The following RFX2 variants were observed in gnomAD, a reference collection of about 807,000 sequenced individuals.
RFX2 encodes DNA-binding protein RFX2.
In RFX2, 20 loss-of-function variants were observed where a neutral mutation model predicts 87.8. That is an observed-to-expected ratio of 0.23 (90% CI 0.16 to 0.33). The LOEUF (loss-of-function observed/expected upper bound fraction) is 0.33, where lower values mean the gene tolerates loss of function less well. Ranked by LOEUF, RFX2 falls within the 10% of genes least tolerant of loss-of-function variation. The pLI is 1.00. For missense variants in RFX2, 767 were observed against 1,012.3 expected, an observed-to-expected ratio of 0.76 and a Z score of 3.29; for synonymous variants, 397 against 431.3, an observed-to-expected ratio of 0.92 and a Z score of 0.98.
chr19:6,038,340 A>C (rs201092309), intron 5 of RFX2, among the ~76,000 whole-genome samples: 15 of 136,420 alleles, frequency 1.1e-4, no homozygotes, highest in East Asian at 8.5e-4. Flanking sequence ...AAAAAAAAAA[A>C]AAAAAAAAAA....
intron 1 of RFX2, chr19:6,067,874 C>T (rs1057512681): frequency 8.5e-5 from 13 of 152,272 alleles, no homozygotes; most frequent in East Asian, 1.9e-4. Flanking sequence ...GAGCTCTCAG[C>T]GGAGGTTTGC....
intron 1 of RFX2, among the ~76,000 whole-genome samples, chr19:6,058,174 C>A (rs1169522827): frequency 6.6e-6 from 1 of 152,192 alleles, no homozygotes; most frequent in Non-Finnish European, 1.5e-5. Flanking sequence ...GGATCCATCT[C>A]TGGGCTGGGG....
chr19:6,015,825 A>C (rs964365696), intron 7 of RFX2, among the ~76,000 whole-genome samples: 1 of 152,232 alleles, frequency 6.6e-6, no homozygotes, highest in African/African-American at 2.4e-5. Context: ...AAACAAAAAA[A>C]GAAAAGTATT....
intron 6 of RFX2, among the ~76,000 whole-genome samples, chr19:6,018,062 A>G (rs924249633): frequency 6.6e-6 from 1 of 152,064 alleles, no homozygotes; most frequent in Non-Finnish European, 1.5e-5. Flanking sequence ...TGCAACCTCC[A>G]CTTCCAGGCT....
At chr19:6,068,624 A>T (rs529642514) in intron 1 of RFX2, among the ~76,000 whole-genome samples, 1 of 152,200 alleles carries the variant, frequency 6.6e-6, no homozygotes, top group Non-Finnish European at 1.5e-5. Flanking sequence ...CCTGGGGAAG[A>T]GCGTTCCTAA....
In RFX2 at chr19:6,039,614, G is replaced by A. The variant is rs1316961253; in HGVS notation, c.522+366C>T. Among the ~76,000 whole-genome samples, 2 of 152,200 alleles carry A rather than the reference G, an allele frequency of 1.3e-5. No homozygotes were observed. Among genetic ancestry groups the A allele is most frequent in the Admixed American group, 6.5e-5 (1 of 15,288 alleles). On this transcript the variant is annotated intron_variant, in intron 5 of 17. Coordinates refer to ENST00000303657, the MANE Select transcript of RFX2 (RefSeq NM_000635.4). The surrounding 1 kb of genome is among the most constrained non-coding windows in gnomAD (Gnocchi z 5.2). Reference sequence around the variant, plus strand: ...GCTTGATTCAGTCCAGGTGTCTCATGGATGGATTGATCCACGCCTCTAAAA... The same window carrying A: ...GCTTGATTCAGTCCAGGTGTCTCATAGATGGATTGATCCACGCCTCTAAAA...
intron 1 of RFX2, among the ~76,000 whole-genome samples, chr19:6,058,059 C>T (rs920280645): frequency 3.9e-5 from 6 of 152,196 alleles, no homozygotes; most frequent in African/African-American, 7.2e-5. Context: ...AGGATTACTC[C>T]CTGTGGACCC....
At chr19:6,055,070 GA>G (rs2087316255) in intron 1 of RFX2, among the ~76,000 whole-genome samples, 1 of 152,122 alleles carries the variant, frequency 6.6e-6, no homozygotes, top group South Asian at 2.1e-4. Context: ...CACAAAGCAA[GA>G]TATACAGATG....
intron 1 of RFX2, among the ~76,000 whole-genome samples, chr19:6,070,120 G>GT (rs2087579803): frequency 1.5e-5 from 1 of 67,410 alleles, no homozygotes; most frequent in Non-Finnish European, 3.2e-5. Context: ...GGGATGGGAT[G>GT]GGATGGGATG....
intron 3 of RFX2, among the ~76,000 whole-genome samples, 177 bp from the exon 4 acceptor site, chr19:6,042,300 A>G (rs2087121963): frequency 6.6e-6 from 1 of 152,214 alleles, no homozygotes. Flanking sequence ...TGTACAGACG[A>G]CATATTCCAA....
rs949651247 is a variant in RFX2 at position 6,042,948 on chromosome 19, GGGTGTCAT to G, written c.181-833_181-826del. Among the ~76,000 whole-genome samples, 11 of 152,312 alleles carry G rather than the reference GGGTGTCAT, an allele frequency of 7.2e-5. No homozygotes were observed. In the South Asian group the frequency reaches 1.0e-3, roughly 14 times the overall value. On this transcript the variant is annotated intron_variant, in intron 3 of 17. Transcript: ENST00000303657. ...GAGGGCCACAGAAGTGGGCTTGTTC[GGGTGTCAT>G]GGTGTCATGGTGACCTTCCTCTTGT...
chr19:6,007,971 G>T lies in RFX2; in HGVS notation c.1134+135C>A. ...CGATGGACATGGATGCGGAGGGGCTGCTGCTTCAGAGAGGATGCTTGTTGG... is the reference window on the plus strand; with the variant it reads ...CGATGGACATGGATGCGGAGGGGCTTCTGCTTCAGAGAGGATGCTTGTTGG... On this transcript the variant is annotated intron_variant, in intron 10 of 17. Transcript: ENST00000303657. The surrounding 1 kb of genome is among the most constrained non-coding windows in gnomAD (Gnocchi z 8.2). The T allele has an allele frequency of 1.2e-6, 1 of 801,032 alleles. No homozygotes were observed. The highest frequency in any genetic ancestry group is 2.1e-6 in the Non-Finnish European group (1 of 469,990). The allele number at this position is 801,032 out of a possible 1,614,324, so 49.6% of individuals were successfully genotyped here.
chr19:5,997,034 GCC>G lies in RFX2; in HGVS notation c.2013+24_2013+25del. ...TCCCCACAGGCCCGGCCAAGCCCCG[GCC>G]GTCCCACCCAGGAGGGTCCTCACCT... On this transcript the variant is annotated intron_variant, in intron 16 of 17. Coordinates refer to ENST00000303657, the MANE Select transcript of RFX2 (RefSeq NM_000635.4). The surrounding 1 kb of genome is among the most constrained non-coding windows in gnomAD (Gnocchi z 4.2). The G allele has an allele frequency of 6.3e-7, 1 of 1,593,200 alleles. No individual in the cohort carries two copies. Among genetic ancestry groups the G allele is most frequent in the Non-Finnish European group, 8.5e-7 (1 of 1,172,112 alleles).
intron 1 of RFX2, among the ~76,000 whole-genome samples, chr19:6,066,873 C>T (rs189769803): frequency 6.6e-6 from 1 of 152,288 alleles, no homozygotes; most frequent in East Asian, 1.9e-4. Context: ...GAGAATACTT[C>T]CCAAACCAAA....
Position 6,026,456 on chromosome 19 carries a change from G to T in RFX2, c.523-219C>A, listed in dbSNP as rs886978002. The T allele has an allele frequency of 5.8e-5, 34 of 584,966 alleles. No individual in the cohort carries two copies. Among genetic ancestry groups the T allele is most frequent in the Admixed American group, 1.2e-4 (4 of 32,618 alleles). The allele number at this position is 584,966 out of a possible 1,614,324, so 36.2% of individuals were successfully genotyped here. On this transcript the variant is annotated intron_variant, in intron 5 of 17. Transcript: ENST00000303657. This position sits in a 1 kb window ranked among gnomAD's most constrained non-coding sequence, Gnocchi z 4.5. The stretch of plus-strand genomic sequence containing the variant: ...AGTGTTGCTTCGCACACGTAGGTAA[G>T]CCCGAGAGCCCGTCCAACAGAAGCA...
Position 6,063,541 on chromosome 19 carries a change from T to A in RFX2, c.-8-16037A>T, listed in dbSNP as rs1423951427. ...GGCAGGCTGGGCAGCCCTCTGTCCC[T>A]CAAAGTCCACCCGCCCATGACAGCT... On this transcript the variant is annotated intron_variant, in intron 1 of 17. Transcript: ENST00000303657. This position sits in a 1 kb window ranked among gnomAD's most constrained non-coding sequence, Gnocchi z 4.0. Among the ~76,000 whole-genome samples, 3 of 152,104 alleles carry A rather than the reference T, an allele frequency of 2.0e-5. No individual in the cohort carries two copies. The highest frequency in any genetic ancestry group is 7.2e-5 in the African/African-American group (3 of 41,428).
chr19:6,058,363 C>T (rs2087376690), intron 1 of RFX2, among the ~76,000 whole-genome samples: 1 of 152,190 alleles, frequency 6.6e-6, no homozygotes, highest in African/African-American at 2.4e-5. Context: ...TCTGGACAAA[C>T]AGCCCCCGAG....
Position 6,007,136 on chromosome 19 carries a change from G to C in RFX2, c.1278C>G (p.Pro426=). ...SDEDPEGAVL[P]KDKLISLCQC... The stretch of plus-strand genomic sequence containing the variant: ...GACACAGGGAGATAAGCTTGTCCTT[G>C]GGCAGGACGGCGCCCTCGGGGTCTT... Residue 426 remains proline, a synonymous_variant, in exon 12 of 18, where the codon CCC becomes CCG. Transcript: ENST00000303657. The surrounding 1 kb of genome is among the most constrained non-coding windows in gnomAD (Gnocchi z 8.2). 2 of 1,614,126 alleles carry C rather than the reference G, an allele frequency of 1.2e-6. No individual in the cohort carries two copies. The highest frequency in any genetic ancestry group is 1.7e-6 in the Non-Finnish European group (2 of 1,180,030).
rs1025212993 is a variant in RFX2, at chr19:6,101,418, C to A, written c.-9+8975G>T. ...TTATTTTCTTTGGGTTTCCACTGGC[C>A]TGGGTGGAGCCCGCATACATTTTTG... On this transcript the variant is annotated intron_variant, in intron 1 of 17. Transcript: ENST00000303657. The surrounding 1 kb of genome is among the most constrained non-coding windows in gnomAD (Gnocchi z 4.9). Among the ~76,000 whole-genome samples the A allele has an allele frequency of 6.6e-6, 1 of 152,172 alleles. No individual in the cohort carries two copies. Among genetic ancestry groups the A allele is most frequent in the Non-Finnish European group, 1.5e-5 (1 of 68,024 alleles).
Sources: gnomAD v4.1 joint callset for allele counts (sites outside exome capture counted in the v4.1 genomes callset) on GRCh38, gnomAD v4.1.1 for gene constraint, Gnocchi (gnomAD v3.1) non-coding constraint, MANE v1.5 for transcripts, NCBI Gene and HGNC (gene_info 2026-07-23, HGNC 2026-07-21) for gene names.